Variants in EYA3 observed in about 807,000 individuals in gnomAD.
The protein encoded by EYA3 is protein phosphatase EYA3.
Under a neutral mutation model 80.0 loss-of-function variants are expected in EYA3, and 39 were observed. The observed-to-expected ratio is 0.49, with a 90% CI of 0.38 to 0.64. EYA3 has a LOEUF of 0.64. Among genes scored for constraint, EYA3 ranks in the 30% least tolerant of loss-of-function variants. EYA3 has a pLI of 0.00. For synonymous variants in EYA3, 206 were observed against 232.8 expected (o/e 0.88, Z 1.05); for missense variants, 523 against 676.1 (o/e 0.77, Z 2.51).
intron 17 of EYA3, among the ~76,000 whole-genome samples, chr1:27,976,012 T>A (rs1177598116): frequency 1.3e-5 from 2 of 152,170 alleles, no homozygotes; most frequent in African/African-American, 2.4e-5. Flanking sequence ...TATCATCTAG[T>A]TGAAACTGGT....
intron 17 of EYA3, chr1:27,977,185 A>G: frequency 6.8e-7 from 1 of 1,463,950 alleles, no homozygotes; most frequent in East Asian, 2.5e-5. Context: ...TTTAGAATCA[A>G]AGCTTCATAA....
At chr1:28,057,852 T>C (rs1251737117) in intron 2 of EYA3, 142 bp downstream of exon 2, 2 of 501,626 alleles carry the variant, frequency 4.0e-6, no homozygotes, top group African/African-American at 3.9e-5. Context: ...TAGAAAAATA[T>C]AACATTGTTT....
Position 27,970,359 on chromosome 1 carries a change from C to T in EYA3, c.*4107G>A, listed in dbSNP as rs1311058491. The T allele has an allele frequency of 6.6e-6, 1 of 152,118 alleles. No homozygotes were observed. The highest frequency in any genetic ancestry group is 6.6e-5 in the Admixed American group (1 of 15,246). 9.4% of individuals were successfully genotyped at this position (152,118 alleles called of 1,614,324 possible). On this transcript the variant is annotated 3_prime_UTR_variant, in exon 18 of 18. Coordinates refer to ENST00000373871, the MANE Select transcript of EYA3 (RefSeq NM_001990.4). ...AGGAGCAAACTATAGAAAATAAAAA[C>T]TTTATTTTTTTCAAGTTTATAAGAT... is the stretch of plus-strand genomic sequence containing the variant.
intron 11 of EYA3, among the ~76,000 whole-genome samples, chr1:28,001,428 T>C (rs1386670523): frequency 1.3e-5 from 2 of 150,900 alleles, no homozygotes; most frequent in African/African-American, 2.4e-5. Context: ...TTTCATGAAA[T>C]AATATTATGT....
chr1:27,976,484 G>A (rs1386726297), intron 17 of EYA3, among the ~76,000 whole-genome samples: 1 of 151,898 alleles, frequency 6.6e-6, no homozygotes, highest in Non-Finnish European at 1.5e-5. Context: ...ACAAAAAAAA[G>A]AATGCCAGAC....
chr1:27,974,594 T>G (rs146239257), intron 17 of EYA3, 48 bp from the exon 18 acceptor site: 1 of 1,516,684 alleles, frequency 6.6e-7, no homozygotes, highest in East Asian at 2.3e-5. Context: ...TTCTGAGAGC[T>G]TATATAAATA....
At chr1:28,073,989 A>C (rs1446271966) in intron 1 of EYA3, among the ~76,000 whole-genome samples, 1 of 152,186 alleles carries the variant, frequency 6.6e-6, no homozygotes, top group East Asian at 1.9e-4. Context: ...AAAATTATAA[A>C]CATAGTTGGA....
intron 1 of EYA3, among the ~76,000 whole-genome samples, chr1:28,088,150 G>A (rs539219852): frequency 6.6e-6 from 1 of 152,160 alleles, no homozygotes; most frequent in Non-Finnish European, 1.5e-5. Flanking sequence ...CTCGCTAGGT[G>A]AAAGAACGCT....
chr1:27,982,799 A>G (rs1001219754), intron 16 of EYA3, among the ~76,000 whole-genome samples: 1 of 152,060 alleles, frequency 6.6e-6, no homozygotes, highest in Non-Finnish European at 1.5e-5. Flanking sequence ...TTGGCCAGGC[A>G]GGTGATCCAC....
chr1:28,079,668 C>T (rs1044479673), intron 1 of EYA3, among the ~76,000 whole-genome samples: 12 of 152,108 alleles, frequency 7.9e-5, no homozygotes, highest in African/African-American at 2.9e-4. Flanking sequence ...ACAGGGATGA[C>T]AGTAATGGTA....
chr1:28,071,913 A>G (rs1395159562), intron 1 of EYA3, among the ~76,000 whole-genome samples: 1 of 152,218 alleles, frequency 6.6e-6, no homozygotes, highest in Non-Finnish European at 1.5e-5. Context: ...AACAAAGTAA[A>G]TAAGGGTAAA....
At position 28,013,375 on chromosome 1, in the gene EYA3, T is replaced by C; in HGVS notation, c.586-81A>G. ...CACAAGAGGCTTTCTTCTCCCTCTT[T>C]CTTATTCATAATTATTTTTCTAAAA... On this transcript the variant is annotated intron_variant, in intron 8 of 17. Coordinates refer to ENST00000373871, the MANE Select transcript of EYA3 (RefSeq NM_001990.4). The surrounding 1 kb of genome is among the most constrained non-coding windows in gnomAD (Gnocchi z 4.0). 3 of 1,176,276 alleles carry C rather than the reference T, an allele frequency of 2.6e-6. No homozygotes were observed. Among genetic ancestry groups the C allele is most frequent in the Non-Finnish European group, 3.5e-6 (3 of 858,960 alleles). The allele number at this position is 1,176,276 out of a possible 1,614,324, so 72.9% of individuals were successfully genotyped here. A position where few individuals can be genotyped will look rare whatever the true frequency, so the allele number is the denominator to read the frequency against.
At chr1:28,058,227 C>T (rs1231249751) in intron 1 of EYA3, 133 bp from the exon 2 acceptor site, 1 of 417,512 alleles carries the variant, frequency 2.4e-6, no homozygotes, top group Admixed American at 4.0e-5. Flanking sequence ...AATCTCAAAC[C>T]TGCACGTGGC....
chr1:28,060,534 C>T (rs1644582733), intron 1 of EYA3, among the ~76,000 whole-genome samples: 1 of 152,134 alleles, frequency 6.6e-6, no homozygotes, highest in African/African-American at 2.4e-5. Context: ...GAAGAATCTA[C>T]TATTTCTTGA....
intron 1 of EYA3, among the ~76,000 whole-genome samples, chr1:28,075,709 GATAA>G (rs1645176460): frequency 6.6e-6 from 1 of 152,164 alleles, no homozygotes; most frequent in Admixed American, 6.5e-5. Context: ...TGCTGCCATT[GATAA>G]ATATTCCAGG....
intron 10 of EYA3, among the ~76,000 whole-genome samples, chr1:28,005,837 G>T (rs2148772829): frequency 6.6e-6 from 1 of 152,266 alleles, no homozygotes; most frequent in Middle Eastern, 3.4e-3. Context: ...GGGCATGGTG[G>T]CTCATGCCTA....
intron 5 of EYA3, among the ~76,000 whole-genome samples, chr1:28,037,842 G>A (rs117732920): frequency 6.6e-6 from 1 of 152,282 alleles, no homozygotes; most frequent in East Asian, 1.9e-4. Flanking sequence ...GCCCCATAAA[G>A]TATCTCTTGC....
At chr1:28,061,435 T>C (rs1644619940) in intron 1 of EYA3, among the ~76,000 whole-genome samples, 1 of 152,166 alleles carries the variant, frequency 6.6e-6, no homozygotes, top group Non-Finnish European at 1.5e-5. Flanking sequence ...CCACAAGTGG[T>C]GCATGCTATA....
chr1:28,083,673 T>C (rs949563135), intron 1 of EYA3, among the ~76,000 whole-genome samples: 2 of 152,244 alleles, frequency 1.3e-5, no homozygotes, highest in African/African-American at 4.8e-5. Flanking sequence ...AGTTTCATGG[T>C]TCAGTTGTGA....
Sources: gnomAD v4.1 joint callset for allele counts (sites outside exome capture counted in the v4.1 genomes callset) on GRCh38, gnomAD v4.1.1 for gene constraint, Gnocchi (gnomAD v3.1) non-coding constraint, MANE v1.5 for transcripts, NCBI Gene and HGNC (gene_info 2026-07-23, HGNC 2026-07-21) for gene names.